Variants in CSMD2 observed in about 807,000 individuals in gnomAD.
CSMD2 encodes the protein CUB and sushi domain-containing protein 2.
CSMD2 carries 130 observed loss-of-function variants against 398.5 expected under a neutral mutation model. That is an observed-to-expected ratio of 0.33 (90% CI 0.28 to 0.38). The LOEUF is 0.38. CSMD2 is among the 10% of genes least tolerant of loss of function. CSMD2 has a pLI of 1.00. For synonymous variants in CSMD2, 1,828 were observed against 1,908.5 expected (o/e 0.96, Z 1.10); for missense variants, 3,829 against 4,764.9 (o/e 0.80, Z 5.78).
At chr1:34,012,902 G>A (rs1443116440) in intron 3 of CSMD2, among the ~76,000 whole-genome samples, 1 of 152,178 alleles carries the variant, frequency 6.6e-6, no homozygotes, top group Non-Finnish European at 1.5e-5. Context: ...TGGGCACAAA[G>A]GGGATACATT....
At chr1:33,548,456 T>C (rs1485336785) in intron 56 of CSMD2, among the ~76,000 whole-genome samples, 6 of 152,314 alleles carry the variant, frequency 3.9e-5, no homozygotes, top group Middle Eastern at 3.4e-3. Flanking sequence ...AATCTCTCCA[T>C]AGCCTTGGTG....
rs540555932 is a variant in CSMD2, at chr1:33,691,589, C to T, written c.4052+1341G>A. Among the ~76,000 whole-genome samples the T allele has an allele frequency of 2.2e-4, 34 of 152,302 alleles. No homozygotes were observed. In the South Asian group the frequency reaches 3.1e-3, roughly 14 times the overall value. ...AAACTCTTACATGCAGGAATCTTCT[C>T]CTAGCTATACTTCTATTCCTTTTCT... On this transcript the variant is annotated intron_variant, in intron 25 of 70. Transcript: ENST00000373381.
At chr1:33,893,873 GC>G (rs1430118299) in intron 5 of CSMD2, among the ~76,000 whole-genome samples, 1 of 152,188 alleles carries the variant, frequency 6.6e-6, no homozygotes, top group Non-Finnish European at 1.5e-5. Flanking sequence ...CTAGCAGGCA[GC>G]CATGCCTTTT....
Position 34,164,774 on chromosome 1 carries a change from T to A in CSMD2, c.187+137A>T. 1 of 726,238 alleles carries A rather than the reference T, an allele frequency of 1.4e-6. No homozygotes were observed. Among genetic ancestry groups the A allele is most frequent in the East Asian group, 4.0e-5 (1 of 24,794 alleles). 45.0% of individuals were successfully genotyped at this position (726,238 alleles called of 1,614,324 possible). A position where few individuals can be genotyped will look rare whatever the true frequency, so the allele number is the denominator to read the frequency against. On this transcript the variant is annotated intron_variant, in intron 1 of 70. Transcript: ENST00000373381. This position sits in a 1 kb window ranked among gnomAD's most constrained non-coding sequence, Gnocchi z 6.2. ...ACGGAGGCAGGGATGAGAATGAGAG[T>A]AGGCAACTGGGAGGGTGGGAGATTC... is the stretch of plus-strand genomic sequence containing the variant.
At chr1:33,660,253 A>G (rs1375252445) in intron 26 of CSMD2, among the ~76,000 whole-genome samples, 1 of 152,216 alleles carries the variant, frequency 6.6e-6, no homozygotes, top group Non-Finnish European at 1.5e-5. Context: ...TGAAAATTGT[A>G]AGAGCTGATG....
intron 15 of CSMD2, among the ~76,000 whole-genome samples, chr1:33,736,283 C>T (rs1424573656): frequency 2.6e-5 from 4 of 152,076 alleles, no homozygotes; most frequent in Admixed American, 2.6e-4. Flanking sequence ...AGATCAAGAC[C>T]ATCCTGGCTA....
At chr1:33,646,873 G>T in intron 28 of CSMD2, 38 bp from the exon 29 acceptor site, 1 of 1,569,062 alleles carries the variant, frequency 6.4e-7, no homozygotes, top group Non-Finnish European at 8.7e-7. Flanking sequence ...CCCCACTAAG[G>T]TCAAATAAAG....
chr1:34,156,894 A>G (rs1375765789), intron 1 of CSMD2, among the ~76,000 whole-genome samples: 2 of 152,238 alleles, frequency 1.3e-5, no homozygotes, highest in Admixed American at 1.3e-4. Flanking sequence ...GTGGAAAGTA[A>G]GAGAGTCTCT....
Position 33,600,911 on chromosome 1 carries a change from G to T in CSMD2, c.6810C>A (p.Phe2270Leu), listed in dbSNP as rs1244246983. 5 of 1,614,164 alleles carry T rather than the reference G, an allele frequency of 3.1e-6. No homozygotes were observed. The change falls in exon 44 of 71, where the codon TTC (phenylalanine) becomes TTA (leucine). Residue 2270 changes from phenylalanine to leucine, a missense_variant. By Grantham distance (22) the Phe-to-Leu change is conservative. This residue lies in a region of CSMD2 where 723 missense variants were observed against 758.6 expected (regional missense o/e 0.95). Coordinates refer to ENST00000373381, the MANE Select transcript of CSMD2 (RefSeq NM_001281956.2). The part of the protein sequence containing the change: ...QSSSNQVLLK[F>L]HRDAATGGIF... ...TCCCCCCTGTGGCTGCATCACGGTGGAACTTGAGCAGGACCTGGTTGGATG... is the reference window on the plus strand; with the variant it reads ...TCCCCCCTGTGGCTGCATCACGGTGTAACTTGAGCAGGACCTGGTTGGATG...
chr1:33,947,214 A>G (rs556392), intron 3 of CSMD2, among the ~76,000 whole-genome samples: 63,471 of 152,056 alleles, frequency 0.42, 13,882 homozygotes, highest in African/African-American at 0.52. Flanking sequence ...ATCCCTTGCC[A>G]GGGCTGTCCT....
chr1:33,899,176 C>T (rs376640896), intron 5 of CSMD2, among the ~76,000 whole-genome samples: 304 of 152,342 alleles, frequency 2.0e-3, no homozygotes, highest in African/African-American at 6.1e-3. Context: ...GTCTGTCCCA[C>T]GCTCACCAGG....
rs1272293252 is a variant in CSMD2 at position 33,569,479 on chromosome 1, C to T, written c.8026G>A (p.Ala2676Thr). Residue 2676 changes from alanine to threonine, a missense_variant, in exon 52 of 71, where the codon GCA becomes ACA. Physicochemically the swap from Ala to Thr is moderately conservative, Grantham distance 58. Transcript: ENST00000373381. Reference protein sequence around the residue: ...HRIGTLSVYGATAIFSCNSGY... With the variant: ...HRIGTLSVYGTTAIFSCNSGY... ...GAATTGCAGGAGAAGATGGCTGTTG[C>T]CCCGTAGACAGACAGTGTTCCGATG... The T allele has an allele frequency of 1.9e-6, 3 of 1,614,022 alleles. No individual in the cohort carries two copies. The highest frequency in any genetic ancestry group is 1.3e-5 in the African/African-American group (1 of 74,908).
intron 3 of CSMD2, among the ~76,000 whole-genome samples, chr1:33,980,102 C>T (rs1222486397): frequency 2.6e-5 from 4 of 152,078 alleles, no homozygotes; most frequent in Admixed American, 2.6e-4. Context: ...GCACCAGTGG[C>T]CAGAACCCTC....
intron 1 of CSMD2, among the ~76,000 whole-genome samples, chr1:34,116,183 TCTAA>T (rs1211556999): frequency 6.6e-6 from 1 of 151,974 alleles, no homozygotes; most frequent in Non-Finnish European, 1.5e-5. Flanking sequence ...AAAAACAAGA[TCTAA>T]CTATATGCTG....
At chr1:33,732,788 T>C (rs1306512277) in intron 15 of CSMD2, among the ~76,000 whole-genome samples, 1 of 152,202 alleles carries the variant, frequency 6.6e-6, no homozygotes, top group Non-Finnish European at 1.5e-5. Context: ...GAATAGGGAA[T>C]GGTGACAGAA....
intron 3 of CSMD2, among the ~76,000 whole-genome samples, chr1:33,986,845 G>A (rs958744016): frequency 9.2e-5 from 14 of 152,146 alleles, no homozygotes; most frequent in African/African-American, 3.1e-4. Context: ...TCTGTTCTGG[G>A]ACCAAGGCAC....
rs1207266917 is a variant in CSMD2, at chr1:33,854,466, A to G, written c.921-7470T>C. Among the ~76,000 whole-genome samples the G allele has an allele frequency of 1.3e-5, 2 of 152,224 alleles. 1 individual carries two copies. The highest frequency in any genetic ancestry group is 2.9e-5 in the Non-Finnish European group (2 of 68,036). ...CCAGGGAATAGGAGGGAGGGCCTCC[A>G]GTGCCACGCGGGCTTCACCCGGGTT... is the stretch of plus-strand genomic sequence containing the variant. On this transcript the variant is annotated intron_variant, in intron 5 of 70. Coordinates refer to ENST00000373381, the MANE Select transcript of CSMD2 (RefSeq NM_001281956.2).
At chr1:33,751,107 C>A (rs1648174428) in intron 13 of CSMD2, among the ~76,000 whole-genome samples, 1 of 150,600 alleles carries the variant, frequency 6.6e-6, no homozygotes, top group Non-Finnish European at 1.5e-5. Flanking sequence ...AATTAAGAGG[C>A]AACCAACAAA....
rs1283384177 is a variant in CSMD2 at position 33,519,270 on chromosome 1, G to A, written c.*53+195C>T. Among the ~76,000 whole-genome samples the A allele has an allele frequency of 2.0e-5, 3 of 152,178 alleles. No homozygotes were observed. The highest frequency in any genetic ancestry group is 4.8e-5 in the African/African-American group (2 of 41,434). ...CCCACAAGCTTCTACCTCACAGGGC[G>A]TGCAGGGATTCAATATATTAGATCC... On this transcript the variant is annotated intron_variant, in intron 70 of 70. Coordinates refer to ENST00000373381, the MANE Select transcript of CSMD2 (RefSeq NM_001281956.2). This position sits in a 1 kb window ranked among gnomAD's most constrained non-coding sequence, Gnocchi z 5.6.
Sources: gnomAD v4.1 joint callset for allele counts (sites outside exome capture counted in the v4.1 genomes callset) on GRCh38, gnomAD v4.1.1 for gene constraint, gnomAD v4.1.1 regional missense constraint, Gnocchi (gnomAD v3.1) non-coding constraint, MANE v1.5 for transcripts, NCBI Gene and HGNC (gene_info 2026-07-23, HGNC 2026-07-21) for gene names.